RDH12: variants seen among roughly 807,000 people sequenced by gnomAD.
The protein encoded by RDH12 is retinol dehydrogenase 12, also known as all-trans and 9-cis retinol dehydrogenase.
In RDH12, 21 loss-of-function variants were observed where a neutral mutation model predicts 34.0. The ratio of observed to expected loss-of-function variants is 0.62; its 90% CI spans 0.44 to 0.89. The LOEUF is 0.89. RDH12 is among the 40% of genes least tolerant of loss of function. The pLI, the probability that RDH12 is intolerant of heterozygous loss-of-function variation, is 0.00. For missense variants in RDH12, 394 were observed against 398.6 expected (o/e 0.99, Z 0.10); for synonymous variants, 198 against 169.9 (o/e 1.17, Z -1.29).
intron 3 of RDH12, among the ~76,000 whole-genome samples, chr14:67,723,330 C>A (rs2038146793): frequency 6.6e-6 from 1 of 152,156 alleles, no homozygotes; most frequent in South Asian, 2.1e-4. Flanking sequence ...AACTCTTGGG[C>A]TCAAGCAACC....
At chr14:67,709,670 A>T (rs1340110598) in intron 1 of RDH12, among the ~76,000 whole-genome samples, 2 of 152,156 alleles carry the variant, frequency 1.3e-5, no homozygotes, top group Non-Finnish European at 2.9e-5. Flanking sequence ...CCTGTGTTTC[A>T]GGAATACAGT....
chr14:67,707,282 C>T (rs1004638940), intron 1 of RDH12, among the ~76,000 whole-genome samples: 3 of 152,154 alleles, frequency 2.0e-5, no homozygotes, highest in Non-Finnish European at 2.9e-5. Flanking sequence ...AAACATTAGG[C>T]AAGACTAAAA....
At chr14:67,716,714 T>G (rs913624317) in intron 1 of RDH12, among the ~76,000 whole-genome samples, 2 of 152,056 alleles carry the variant, frequency 1.3e-5, no homozygotes, top group African/African-American at 4.8e-5. Flanking sequence ...TGAAACCCCA[T>G]CTCTACTGAA....
chr14:67,722,049 A>G (rs1346269534), intron 2 of RDH12, among the ~76,000 whole-genome samples: 2 of 152,182 alleles, frequency 1.3e-5, no homozygotes, highest in Non-Finnish European at 2.9e-5. Context: ...CCCATGTACT[A>G]GCACCCAGAT....
At chr14:67,732,020 AGGAG>A (rs1427357327) in intron 8 of RDH12, among the ~76,000 whole-genome samples, 2 of 151,236 alleles carry the variant, frequency 1.3e-5, no homozygotes, top group Non-Finnish European at 2.9e-5. Flanking sequence ...CCAGCCACTC[AGGAG>A]GCTGAGGCAG....
chr14:67,725,305 G>C, intron 5 of RDH12, 51 bp downstream of exon 5: 1 of 1,587,854 alleles, frequency 6.3e-7, no homozygotes, highest in Non-Finnish European at 8.6e-7. Flanking sequence ...TATGGGAGTG[G>C]CTGCTCCACC....
rs2140137772 is a variant in RDH12 at position 67,722,461 on chromosome 14, T to C, written c.-182T>C. The C allele has an allele frequency of 1.4e-6, 1 of 695,814 alleles. No individual in the cohort carries two copies. The allele number at this position is 695,814 out of a possible 1,614,324, so 43.1% of individuals were successfully genotyped here. A position where few individuals can be genotyped will look rare whatever the true frequency, so the allele number is the denominator to read the frequency against. On this transcript the variant is annotated 5_prime_UTR_variant, in exon 3 of 9. Coordinates refer to ENST00000551171, the MANE Select transcript of RDH12 (RefSeq NM_152443.3). ...CAGCAGGCTGTGCTCTGACAGCTCT[T>C]GGATTTAAATAGGATTCTGGGCTCT... is the stretch of plus-strand genomic sequence containing the variant.
chr14:67,722,575 C>A lies in RDH12; in HGVS notation c.-68C>A. The stretch of plus-strand genomic sequence containing the variant: ...CCAAGAGCTGGAGCCAGACCAGGAA[C>A]CTGAGCCAGAGCTGGGGTTGAAGCT... On this transcript the variant is annotated 5_prime_UTR_variant, in exon 3 of 9. Transcript: ENST00000551171. 7.3e-7 allele frequency: 1 copy of A among 1,362,298 alleles called. No homozygotes were observed. 84.4% of individuals were successfully genotyped at this position (1,362,298 alleles called of 1,614,324 possible).
chr14:67,715,433 A>C (rs1467303395), intron 1 of RDH12, among the ~76,000 whole-genome samples: 1 of 152,216 alleles, frequency 6.6e-6, no homozygotes, highest in African/African-American at 2.4e-5. Context: ...CTGATGTTGG[A>C]TGCCTATGAC....
chr14:67,702,463 G>A (rs150366282), intron 1 of RDH12, among the ~76,000 whole-genome samples: 1,747 of 152,106 alleles, frequency 0.011, 25 homozygotes, highest in African/African-American at 0.04. Flanking sequence ...AGATTATTTT[G>A]GTTTTGGCTG....
Position 67,733,888 on chromosome 14 carries a change from C to T in RDH12, c.*40C>T. The T allele has an allele frequency of 6.9e-7, 1 of 1,454,706 alleles. No individual in the cohort carries two copies. 90.1% of individuals were successfully genotyped at this position (1,454,706 alleles called of 1,614,324 possible). On this transcript the variant is annotated 3_prime_UTR_variant, in exon 9 of 9. Transcript: ENST00000551171. ...GCAGCTTTATCAGGCCCAATCCATG[C>T]CATAATGAACAGGGACCAAGGAGAA... is the stretch of plus-strand genomic sequence containing the variant.
rs1424264350 is a variant in RDH12 at position 67,729,332 on chromosome 14, A to C, written c.800A>C (p.His267Pro). 2 of 1,599,332 alleles carry C rather than the reference A, an allele frequency of 1.3e-6. No individual in the cohort carries two copies. Among genetic ancestry groups the C allele is most frequent in the Admixed American group, 1.7e-5 (1 of 60,014 alleles). ...CGGGAGGGGGCGCAGACCAGCCTGC[A>C]CTGCGCCCTGGCTGAGGGCCTGGAG... ...TAREGAQTSLHCALAEGLEPL... is the reference protein window; with the variant it reads ...TAREGAQTSLPCALAEGLEPL... The change falls in exon 8 of 9, where the codon CAC becomes CCC. Residue 267 changes from histidine (H) to proline (P), a missense_variant. Physicochemically the swap from His to Pro is moderately conservative, Grantham distance 77 (BLOSUM62 -2). Coordinates refer to ENST00000551171, the MANE Select transcript of RDH12 (RefSeq NM_152443.3).
intron 7 of RDH12, chr14:67,728,233 A>G (rs1451991947): frequency 6.6e-6 from 1 of 152,244 alleles, no homozygotes; most frequent in African/African-American, 2.4e-5. Context: ...CAGTAGAAGA[A>G]GACGGTAATC....
At chr14:67,724,451 C>T in intron 3 of RDH12, 22 bp from the exon 4 acceptor site, 2 of 1,427,144 alleles carry the variant, frequency 1.4e-6, no homozygotes, top group Non-Finnish European at 1.9e-6. Context: ...GTACGTGATG[C>T]TCTTGTTTCC....
chr14:67,709,717 G>A (rs1226467605), intron 1 of RDH12, among the ~76,000 whole-genome samples: 1 of 152,168 alleles, frequency 6.6e-6, no homozygotes, highest in Non-Finnish European at 1.5e-5. Flanking sequence ...GCCTGAAGAT[G>A]GGGGGCTTTA....
At chr14:67,728,985 A>G (rs980230795) in intron 7 of RDH12, among the ~76,000 whole-genome samples, 5 of 152,210 alleles carry the variant, frequency 3.3e-5, no homozygotes, top group African/African-American at 1.2e-4. Flanking sequence ...CTTTTGGAAC[A>G]TAGAAGGCTG....
Position 67,727,013 on chromosome 14 carries a change from C to T in RDH12, c.481C>T (p.Arg161Trp), listed in dbSNP as rs759408031. ...CCTCCTCACCTACCTGCTCCTGGAG[C>T]GGCTAAAGGTGTCTGCCCCTGCACG... Reference protein sequence around the residue: ...HFLLTYLLLERLKVSAPARVV... With the variant: ...HFLLTYLLLEWLKVSAPARVV... Residue 161 changes from arginine (R) to tryptophan (W), a missense_variant, in exon 7 of 9, where the codon CGG becomes TGG. By Grantham distance (101) the Arg-to-Trp change is moderately radical (BLOSUM62 -3). Coordinates refer to ENST00000551171, the MANE Select transcript of RDH12 (RefSeq NM_152443.3). 1.2e-5 allele frequency: 19 copies of T among 1,613,102 alleles called. No homozygotes were observed. Among genetic ancestry groups the T allele is most frequent in the South Asian group, 3.3e-5 (3 of 91,032 alleles).
chr14:67,726,851 G>A, intron 6 of RDH12, 130 bp from the exon 7 acceptor site: 1 of 761,626 alleles, frequency 1.3e-6, no homozygotes, highest in Non-Finnish European at 2.3e-6. Context: ...GACCATTAGA[G>A]TTACTCATGG....
At chr14:67,702,064 G>A (rs1302377763) in intron 1 of RDH12, 129 bp downstream of exon 1, 1 of 152,084 alleles carries the variant, frequency 6.6e-6, no homozygotes, top group Non-Finnish European at 1.5e-5. Context: ...TGATCCACCT[G>A]CCTTGGCCTC....
Sources: allele counts gnomAD v4.1 joint callset (sites outside exome capture counted in the v4.1 genomes callset), GRCh38; gene constraint gnomAD v4.1.1; transcripts MANE v1.5; gene names NCBI Gene and HGNC (gene_info 2026-07-23, HGNC 2026-07-21).